CHN1: variants seen among roughly 807,000 people sequenced by gnomAD.
The protein encoded by CHN1 is N-chimaerin.
A neutral mutation model predicts 59.5 loss-of-function variants in CHN1; 37 were observed. That is an observed-to-expected ratio of 0.62 (90% CI 0.48 to 0.82). CHN1 has a LOEUF of 0.82. Ranked by LOEUF, CHN1 falls within the 40% of genes least tolerant of loss-of-function variation. The pLI, the probability that CHN1 is intolerant of heterozygous loss-of-function variation, is 0.00. For synonymous variants in CHN1, 206 were observed against 200.4 expected (o/e 1.03, Z -0.24); for missense variants, 469 against 571.0 (o/e 0.82, Z 1.82).
At chr2:174,964,446 T>C (rs1407028434) in intron 1 of CHN1, among the ~76,000 whole-genome samples, 1 of 152,226 alleles carries the variant, frequency 6.6e-6, no homozygotes, top group Non-Finnish European at 1.5e-5. Context: ...ATCTGTAAGA[T>C]GAAGAAAACA....
At chr2:174,803,045 G>A (rs116471115) in intron 11 of CHN1, among the ~76,000 whole-genome samples, 1 of 151,820 alleles carries the variant, frequency 6.6e-6, no homozygotes, top group African/African-American at 2.4e-5. Flanking sequence ...TCTTGGGGGG[G>A]AATTAAAAAA....
At chr2:174,853,300 T>C (rs1318674994) in intron 6 of CHN1, among the ~76,000 whole-genome samples, 1 of 151,924 alleles carries the variant, frequency 6.6e-6, no homozygotes. Flanking sequence ...GAACAAACAC[T>C]TCTCAAAGGA....
Position 175,002,913 on chromosome 2 carries a change from A to G in CHN1, c.19+1981T>C, listed in dbSNP as rs149969103. 4.5e-4 allele frequency among the ~76,000 whole-genome samples: 69 copies of G among 152,288 alleles called. 1 individual carries two copies. The highest frequency in any genetic ancestry group is 1.3e-3 in the African/African-American group (56 of 41,560). ...GGTAGTAAAATCTAAAATAAAATCC[A>G]TTTCTTCTAACCCTTAGGTACATCT... On this transcript the variant is annotated intron_variant, in intron 1 of 12. Transcript: ENST00000409900.
intron 11 of CHN1, among the ~76,000 whole-genome samples, chr2:174,806,831 G>A (rs1377874223): frequency 2.0e-5 from 3 of 152,124 alleles, no homozygotes; most frequent in Non-Finnish European, 4.4e-5. Context: ...AGACTCTACT[G>A]CCAGAAGAGA....
chr2:174,816,096 T>G (rs1685247766), intron 8 of CHN1, among the ~76,000 whole-genome samples: 2 of 151,896 alleles, frequency 1.3e-5, no homozygotes, highest in African/African-American at 4.8e-5. Flanking sequence ...ATTTTACATG[T>G]AGCTGTAGGA....
chr2:174,919,922 C>T (rs1688959128), intron 3 of CHN1, among the ~76,000 whole-genome samples: 1 of 152,148 alleles, frequency 6.6e-6, no homozygotes, highest in African/African-American at 2.4e-5. Flanking sequence ...CCAATATCTC[C>T]TGAATTCCCA....
At chr2:174,884,916 T>C (rs538175874) in intron 5 of CHN1, among the ~76,000 whole-genome samples, 2 of 152,236 alleles carry the variant, frequency 1.3e-5, no homozygotes, top group South Asian at 2.1e-4. Flanking sequence ...GTAAGTGGAA[T>C]AGAATTAGTA....
At chr2:174,822,973 A>C (rs527886637) in intron 8 of CHN1, among the ~76,000 whole-genome samples, 14 of 152,320 alleles carry the variant, frequency 9.2e-5, no homozygotes, top group Admixed American at 7.2e-4. Context: ...CTGGAACCTT[A>C]TTACATTTTA....
chr2:174,847,189 T>C (rs770197850), intron 6 of CHN1: 65 of 1,500,438 alleles, frequency 4.3e-5, no homozygotes, highest in Middle Eastern at 1.7e-4. Flanking sequence ...ATGATATCTA[T>C]TCAGCTAACA....
chr2:174,952,644 C>G (rs573349054), intron 1 of CHN1, among the ~76,000 whole-genome samples: 1 of 152,178 alleles, frequency 6.6e-6, no homozygotes, highest in Non-Finnish European at 1.5e-5. Context: ...TCCCCCGTTA[C>G]ATTTGGGGGA....
At chr2:174,851,513 C>T (rs569087423) in intron 6 of CHN1, among the ~76,000 whole-genome samples, 9 of 152,258 alleles carry the variant, frequency 5.9e-5, no homozygotes, top group African/African-American at 2.2e-4. Flanking sequence ...AACTCCTGGG[C>T]TCAAGTGATT....
chr2:174,941,206 C>T (rs1410871122), intron 3 of CHN1, among the ~76,000 whole-genome samples: 5 of 152,088 alleles, frequency 3.3e-5, no homozygotes, highest in Non-Finnish European at 5.9e-5. Flanking sequence ...CACGTTCTTG[C>T]TTTCCAACAC....
chr2:174,800,625 C>T (rs577337453), intron 12 of CHN1, among the ~76,000 whole-genome samples: 3 of 152,278 alleles, frequency 2.0e-5, no homozygotes, highest in African/African-American at 7.2e-5. Context: ...AACTGGGTCA[C>T]CTTGATTTAA....
At chr2:174,941,653 T>C (rs983617756) in intron 3 of CHN1, among the ~76,000 whole-genome samples, 3 of 152,222 alleles carry the variant, frequency 2.0e-5, no homozygotes, top group Non-Finnish European at 2.9e-5. Context: ...TGTTGAACGT[T>C]TGATCATCTA....
intron 5 of CHN1, among the ~76,000 whole-genome samples, chr2:174,908,926 A>G (rs1334159368): frequency 6.6e-6 from 1 of 152,204 alleles, no homozygotes; most frequent in Non-Finnish European, 1.5e-5. Flanking sequence ...TAGGTTTTCC[A>G]TATCACCTTT....
chr2:174,933,644 C>T (rs941638721), intron 3 of CHN1, among the ~76,000 whole-genome samples: 33 of 152,116 alleles, frequency 2.2e-4, no homozygotes, highest in Admixed American at 9.8e-4. Context: ...AGAAATTGAG[C>T]GAGGCAAATG....
intron 6 of CHN1, among the ~76,000 whole-genome samples, chr2:174,854,663 T>C (rs1686841634): frequency 6.6e-6 from 1 of 152,174 alleles, no homozygotes; most frequent in African/African-American, 2.4e-5. Flanking sequence ...GAATTGAAAA[T>C]ACTTATGGTA....
chr2:174,978,792 A>AGACAAAC, intron 1 of CHN1, among the ~76,000 whole-genome samples: 1 of 152,336 alleles, frequency 6.6e-6, no homozygotes. Context: ...TGTTCCCATC[A>AGACAAAC]TGTTATCCTT....
At chr2:174,899,451 G>A (rs1688320390) in intron 5 of CHN1, among the ~76,000 whole-genome samples, 1 of 152,098 alleles carries the variant, frequency 6.6e-6, no homozygotes, top group African/African-American at 2.4e-5. Flanking sequence ...AACAGACAGG[G>A]GTTGCCAAAC....
Sources: gnomAD v4.1 joint callset for allele counts (sites outside exome capture counted in the v4.1 genomes callset) on GRCh38, gnomAD v4.1.1 for gene constraint, MANE v1.5 for transcripts, NCBI Gene and HGNC (gene_info 2026-07-23, HGNC 2026-07-21) for gene names.